The following KIR3DL1 variants were observed in gnomAD, a reference collection of about 807,000 sequenced individuals.
The protein encoded by KIR3DL1 is killer cell immunoglobulin like receptor, three Ig domains and long cytoplasmic tail 1, also known as killer cell immunoglobulin-like receptor 3DL1.
Under a neutral mutation model 40.3 loss-of-function variants are expected in KIR3DL1, and 50 were observed. The observed-to-expected ratio is 1.24, with a 90% CI of 0.99 to 1.57. KIR3DL1 has a LOEUF of 1.57. Among genes scored for constraint, KIR3DL1 ranks in the 40% most tolerant of loss-of-function variants. KIR3DL1 has a pLI of 0.00. For synonymous variants in KIR3DL1, 257 were observed against 207.2 expected (o/e 1.24, Z -2.07); for missense variants, 661 against 559.9 (o/e 1.18, Z -1.82).
Position 54,819,251 on chromosome 19 carries a change from C to A in KIR3DL1, c.356-462C>A, listed in dbSNP as rs752926341. Among the ~76,000 whole-genome samples, 31 of 142,162 alleles carry A rather than the reference C, an allele frequency of 2.2e-4. 1 individual carries two copies. The highest frequency in any genetic ancestry group is 7.1e-3 in the Middle Eastern group (2 of 280). The allele number at this position is 142,162 out of a possible 152,430, so 93.3% of individuals were successfully genotyped here. A position where few individuals can be genotyped will look rare whatever the true frequency, so the allele number is the denominator to read the frequency against. On this transcript the variant is annotated intron_variant, in intron 3 of 8. Transcript: ENST00000391728. ...AGGAAACCAACACAGGAACCCAGGT[C>A]AAGGACAAGTTAGGAAACCAAACAA...
exon 4 of KIR3DL1, chr19:54,819,836 T>C (rs2061540986): frequency 6.2e-7 from 1 of 1,611,888 alleles, no homozygotes; most frequent in South Asian, 1.1e-5. Flanking sequence ...AAAGAGGGGA[T>C]CTCTAAGGAC....
At chr19:54,824,042 G>A (rs1330379632) in intron 5 of KIR3DL1, among the ~76,000 whole-genome samples, 4 of 151,084 alleles carry the variant, frequency 2.6e-5, no homozygotes, top group Non-Finnish European at 5.9e-5. Context: ...CTATTTTGTC[G>A]GTTGTCTCTT....
intron 2 of KIR3DL1, among the ~76,000 whole-genome samples, chr19:54,817,800 G>C (rs1411611280): frequency 2.7e-5 from 4 of 148,588 alleles, no homozygotes; most frequent in African/African-American, 1.0e-4. Context: ...GTGCAGGGAG[G>C]AAGTGGTGTC....
exon 5 of KIR3DL1, chr19:54,821,722 G>T: frequency 6.2e-7 from 1 of 1,608,728 alleles, no homozygotes. Flanking sequence ...CAGTGCGCAA[G>T]GTCAACAGAA....
intron 7 of KIR3DL1, 65 bp downstream of exon 7, chr19:54,829,530 C>A: frequency 8.1e-7 from 1 of 1,234,898 alleles, no homozygotes; most frequent in Non-Finnish European, 1.1e-6. Context: ...TGGGAGCACA[C>A]AGCTGTGTGT....
At chr19:54,817,027 T>C (rs2061378648) in intron 1 of KIR3DL1, among the ~76,000 whole-genome samples, 1 of 140,176 alleles carries the variant, frequency 7.1e-6, no homozygotes, top group Admixed American at 7.1e-5. Context: ...AGTGGAGATC[T>C]GGGCCTGGAG....
chr19:54,817,411 G>A lies in KIR3DL1; in HGVS notation c.35-123G>A, dbSNP rs1290442859. The A allele has an allele frequency of 4.8e-6, 4 of 826,962 alleles. No homozygotes were observed. The African/African-American group carries it at 5.7e-5, about 12-fold the overall frequency. The allele number at this position is 826,962 out of a possible 1,614,324, so 51.2% of individuals were successfully genotyped here. A position where few individuals can be genotyped will look rare whatever the true frequency, so the allele number is the denominator to read the frequency against. On this transcript the variant is annotated intron_variant, in intron 1 of 8. Transcript: ENST00000391728. ...CCTTGTTCCTGGGGGCAGGTAGGCA[G>A]CGAGGGTGAGTTTACCTTCAGCCCA...
At chr19:54,824,675 C>T (rs2061794717) in intron 5 of KIR3DL1, among the ~76,000 whole-genome samples, 1 of 143,450 alleles carries the variant, frequency 7.0e-6, no homozygotes, top group Non-Finnish European at 1.6e-5. Flanking sequence ...GATTCTATCA[C>T]ACACACACAC....
At chr19:54,819,953 T>C (rs1484639709) in exon 4 of KIR3DL1, 6 of 1,611,774 alleles carry the variant, frequency 3.7e-6, no homozygotes, top group Non-Finnish European at 5.1e-6. Flanking sequence ...TACGGTTCTG[T>C]TACTCACACC....
intron 5 of KIR3DL1, among the ~76,000 whole-genome samples, chr19:54,824,082 G>C (rs2061767849): frequency 6.6e-6 from 1 of 151,448 alleles, no homozygotes; most frequent in Non-Finnish European, 1.5e-5. Flanking sequence ...TTGTGGTGCA[G>C]AAGTTGCTTG....
intron 1 of KIR3DL1, among the ~76,000 whole-genome samples, chr19:54,816,972 CCTAGAGGTGGAG>C (rs2061375617): frequency 7.2e-6 from 1 of 138,090 alleles, no homozygotes; most frequent in African/African-American, 2.8e-5. Context: ...GAGATATGGG[CCTAGAGGTGGAG>C]TTATGGGCCC....
chr19:54,820,134 T>A, intron 4 of KIR3DL1, 122 bp downstream of exon 4: 1 of 1,061,838 alleles, frequency 9.4e-7, no homozygotes, highest in Non-Finnish European at 1.4e-6. Flanking sequence ...AGAGAGTGAC[T>A]TGGTGAGGTC....
exon 5 of KIR3DL1, chr19:54,821,758 C>T (rs1307424349): frequency 1.9e-6 from 3 of 1,608,058 alleles, no homozygotes; most frequent in South Asian, 1.1e-5. Context: ...TCCCTCTGGG[C>T]CCTGCCACCC....
chr19:54,826,813 G>A (rs1166445024), intron 6 of KIR3DL1, among the ~76,000 whole-genome samples: 7 of 151,208 alleles, frequency 4.6e-5, no homozygotes, highest in African/African-American at 1.7e-4. Flanking sequence ...GGAAGGAAGA[G>A]GCTCTGCCTG....
rs546749585 is a variant in KIR3DL1 at position 54,829,763 on chromosome 19, A to G, written c.1106-165A>G. Reference sequence around the variant, plus strand: ...ATGGGATGGGAACTCAGAGCTATTCATGGGATGGGTCCTTGAGCTCAGAGA... The same window carrying G: ...ATGGGATGGGAACTCAGAGCTATTCGTGGGATGGGTCCTTGAGCTCAGAGA... On this transcript the variant is annotated intron_variant, in intron 7 of 8. Transcript: ENST00000391728. Among the ~76,000 whole-genome samples, 23 of 141,428 alleles carry G rather than the reference A, an allele frequency of 1.6e-4. 1 individual carries two copies. Among genetic ancestry groups the G allele is most frequent in the Non-Finnish European group, 3.1e-4 (20 of 63,756 alleles). The allele number at this position is 141,428 out of a possible 152,430, so 92.8% of individuals were successfully genotyped here. A position where few individuals can be genotyped will look rare whatever the true frequency, so the allele number is the denominator to read the frequency against.
chr19:54,819,999 C>A, exon 4 of KIR3DL1: 1 of 1,610,254 alleles, frequency 6.2e-7, no homozygotes, highest in Non-Finnish European at 8.5e-7. Context: ...ATCCCCTGGA[C>A]ATCGTGGTCA....
In KIR3DL1 at chr19:54,826,310, G is replaced by A. The variant is rs199940768; in HGVS notation, c.1000+1232G>A. On this transcript the variant is annotated intron_variant, in intron 6 of 8. Transcript: ENST00000391728. ...AAGCATCTGTGCATGAAATCTATTT[G>A]TTTGTTCGTTCATTTATTTATTGAG... Among the ~76,000 whole-genome samples the A allele has an allele frequency of 6.7e-5, 10 of 149,362 alleles. No homozygotes were observed. In the East Asian group the frequency reaches 2.0e-3, roughly 29 times the overall value.
chr19:54,822,363 G>T (rs586962), intron 5 of KIR3DL1, among the ~76,000 whole-genome samples: 19 of 150,548 alleles, frequency 1.3e-4, no homozygotes, highest in Admixed American at 8.6e-4. Flanking sequence ...GGTGGTTCAC[G>T]GTTGTAATCT....
intron 5 of KIR3DL1, among the ~76,000 whole-genome samples, chr19:54,823,937 G>C (rs200703215): frequency 6.6e-6 from 1 of 150,634 alleles, no homozygotes; most frequent in Non-Finnish European, 1.5e-5. Flanking sequence ...TCTTTTGCTC[G>C]TTTTTTAATT....
Sources: allele counts gnomAD v4.1 joint callset (sites outside exome capture counted in the v4.1 genomes callset), GRCh38; gene constraint gnomAD v4.1.1; transcripts MANE v1.5; gene names NCBI Gene and HGNC (gene_info 2026-07-23, HGNC 2026-07-21).